The following NBEAL1 variants were observed in gnomAD, a reference collection of about 807,000 sequenced individuals.
The protein encoded by NBEAL1 is neurobeachin-like protein 1.
Under a neutral mutation model 351.3 loss-of-function variants are expected in NBEAL1, and 273 were observed. The ratio of observed to expected loss-of-function variants is 0.78; its 90% CI spans 0.70 to 0.86. The LOEUF (loss-of-function observed/expected upper bound fraction) is 0.86, where lower values mean the gene tolerates loss of function less well. Among genes scored for constraint, NBEAL1 ranks in the 40% least tolerant of loss-of-function variants. NBEAL1 has a pLI of 0.00. For synonymous variants in NBEAL1, 1,050 were observed against 1,086.4 expected (o/e 0.97, Z 0.66); for missense variants, 2,961 against 3,201.3 (o/e 0.92, Z 1.81).
intron 5 of NBEAL1, among the ~76,000 whole-genome samples, chr2:203,056,866 G>C (rs1037500434): frequency 5.8e-4 from 88 of 152,092 alleles, no homozygotes; most frequent in Admixed American, 5.7e-3. Flanking sequence ...CCATTGTCTG[G>C]CCTACTATTT....
At chr2:203,169,465 T>C (rs2064251262) in intron 38 of NBEAL1, among the ~76,000 whole-genome samples, 1 of 150,512 alleles carries the variant, frequency 6.6e-6, no homozygotes, top group Admixed American at 6.6e-5. Flanking sequence ...CTTTGAGAGC[T>C]TGAGGTGGGA....
At chr2:203,167,698 T>C (rs1375517493) in intron 38 of NBEAL1, among the ~76,000 whole-genome samples, 10 of 152,224 alleles carry the variant, frequency 6.6e-5, no homozygotes, top group Non-Finnish European at 1.5e-5. Context: ...AATCTATTTC[T>C]TCTAGGAATA....
At chr2:203,164,861 CTT>C (rs36031308) in intron 36 of NBEAL1, among the ~76,000 whole-genome samples, 17 of 133,234 alleles carry the variant, frequency 1.3e-4, no homozygotes, top group Admixed American at 1.6e-4. Context: ...TCCCATTTCT[CTT>C]TTTTTTTTTT....
At chr2:203,162,115 C>A (rs1198823672) in intron 36 of NBEAL1, among the ~76,000 whole-genome samples, 25 of 150,840 alleles carry the variant, frequency 1.7e-4, no homozygotes, top group Admixed American at 1.6e-3. Context: ...CCACCACCTC[C>A]TGGGTTCGAG....
At chr2:203,162,224 G>T (rs925716048) in intron 36 of NBEAL1, among the ~76,000 whole-genome samples, 1 of 151,228 alleles carries the variant, frequency 6.6e-6, no homozygotes, top group African/African-American at 2.4e-5. Context: ...GGGTTTCACC[G>T]TGTTGGCCAG....
chr2:203,019,550 CACCTTGGAAGATTTATGAAGG>C, intron 2 of NBEAL1, among the ~76,000 whole-genome samples: 2 of 152,266 alleles, frequency 1.3e-5, no homozygotes, highest in Admixed American at 1.3e-4. Context: ...TTAAAGAAGA[CACCTTGGAAGATTTATGAAGG>C]ACTGCTTCCG....
chr2:203,207,094 G>A lies in NBEAL1; in HGVS notation c.7507-1543G>A, dbSNP rs1363158593. ...TCGCCCCGTCCGGGATGTGAGGAGC[G>A]TCTCTGCCCGGCCGCCCCGTCTGAG... On this transcript the variant is annotated intron_variant, in intron 51 of 55. Transcript: ENST00000683969. 5.4e-5 allele frequency among the ~76,000 whole-genome samples: 8 copies of A among 148,222 alleles called. No individual in the cohort carries two copies. The South Asian group carries it at 6.3e-4, about 12-fold the overall frequency.
At chr2:203,152,184 C>T (rs1403596901) in intron 35 of NBEAL1, among the ~76,000 whole-genome samples, 2 of 151,604 alleles carry the variant, frequency 1.3e-5, no homozygotes, top group Non-Finnish European at 2.9e-5. Flanking sequence ...TCTCCAACTC[C>T]TGACCTCAAG....
intron 18 of NBEAL1, among the ~76,000 whole-genome samples, chr2:203,118,594 C>CT (rs5837841): frequency 0.45 from 65,079 of 144,744 alleles, 16,634 homozygotes; most frequent in Middle Eastern, 0.67. Flanking sequence ...TGACAGCCAA[C>CT]TTTTTTTTTT....
chr2:203,018,617 G>C (rs920598509), intron 2 of NBEAL1, among the ~76,000 whole-genome samples: 1 of 151,990 alleles, frequency 6.6e-6, no homozygotes, highest in African/African-American at 2.4e-5. Context: ...TGGTTATGTA[G>C]AACTTTTTAG....
At chr2:203,190,187 CA>C in intron 45 of NBEAL1, 104 bp from the exon 46 acceptor site, 5 of 643,028 alleles carry the variant, frequency 7.8e-6, no homozygotes, top group Non-Finnish European at 1.1e-5. Flanking sequence ...CACACACACA[CA>C]CACACACACA....
chr2:203,124,226 G>C (rs1278949175), intron 19 of NBEAL1, among the ~76,000 whole-genome samples: 1 of 152,142 alleles, frequency 6.6e-6, no homozygotes, highest in Non-Finnish European at 1.5e-5. Context: ...TCAGCTACTT[G>C]GGAGGCTGAG....
chr2:203,218,669 T>C lies in NBEAL1; in HGVS notation c.*1315T>C, dbSNP rs2065922199. The C allele has an allele frequency of 6.6e-6, 1 of 152,212 alleles. No homozygotes were observed. Among genetic ancestry groups the C allele is most frequent in the African/African-American group, 2.4e-5 (1 of 41,462 alleles). 9.4% of individuals were successfully genotyped at this position (152,212 alleles called of 1,614,324 possible). ...AAATCCAATTGTCTTCTCAGTTGAA[T>C]CTTAGAGAAATTTTTCTTTTGCAAT... On this transcript the variant is annotated 3_prime_UTR_variant, in exon 56 of 56. Transcript: ENST00000683969.
intron 29 of NBEAL1, among the ~76,000 whole-genome samples, chr2:203,137,558 A>G (rs2063246620): frequency 6.6e-6 from 1 of 152,250 alleles, no homozygotes; most frequent in Non-Finnish European, 1.5e-5. Context: ...TAAGTATCTC[A>G]TGAAGGATGG....
chr2:203,194,522 C>G (rs1575113883), intron 47 of NBEAL1, among the ~76,000 whole-genome samples: 1 of 152,138 alleles, frequency 6.6e-6, no homozygotes, highest in East Asian at 1.9e-4. Context: ...ATTGAACAGT[C>G]TCTGCAATAC....
intron 6 of NBEAL1, among the ~76,000 whole-genome samples, chr2:203,059,805 G>C (rs1043875747): frequency 6.6e-6 from 1 of 152,178 alleles, no homozygotes; most frequent in East Asian, 1.9e-4. Context: ...GACTGATTGA[G>C]CCCAATAGTT....
chr2:203,194,824 C>T (rs2065190377), intron 47 of NBEAL1, among the ~76,000 whole-genome samples: 1 of 152,098 alleles, frequency 6.6e-6, no homozygotes, highest in Non-Finnish European at 1.5e-5. Context: ...TTCTCAGATT[C>T]AATACCATGG....
In NBEAL1 at chr2:203,217,842, T is replaced by C. The variant is rs2065913680; in HGVS notation, c.*488T>C. 1.0e-6 allele frequency: 1 copy of C among 985,218 alleles called. No individual in the cohort carries two copies. The highest frequency in any genetic ancestry group is 6.1e-5 in the Admixed American group (1 of 16,266). The allele number at this position is 985,218 out of a possible 1,614,324, so 61.0% of individuals were successfully genotyped here. A position where few individuals can be genotyped will look rare whatever the true frequency, so the allele number is the denominator to read the frequency against. The stretch of plus-strand genomic sequence containing the variant: ...GCACACTTGGATTTTCAAAACTCGG[T>C]GAAAGTTACAAGTTTGCATGGTAAG... On this transcript the variant is annotated 3_prime_UTR_variant, in exon 56 of 56. Transcript: ENST00000683969.
rs2065849257 is a variant in NBEAL1, at chr2:203,213,669, AG to A, written c.8070+17del. On this transcript the variant is annotated intron_variant, in intron 55 of 55. Transcript: ENST00000683969. ...GCCTGCTGAGGTAAAACCTAGCATC[AG>A]TAATTTCATTTCTCATGCTGTTGGG... 1 of 1,613,334 alleles carries A rather than the reference AG, an allele frequency of 6.2e-7. No individual in the cohort carries two copies.
Sources: gnomAD v4.1 joint callset for allele counts (sites outside exome capture counted in the v4.1 genomes callset) on GRCh38, gnomAD v4.1.1 for gene constraint, MANE v1.5 for transcripts, NCBI Gene and HGNC (gene_info 2026-07-23, HGNC 2026-07-21) for gene names.